The following PRKG1 variants were observed in gnomAD, a reference collection of about 807,000 sequenced individuals.
PRKG1 encodes cGMP-dependent protein kinase 1.
Under a neutral mutation model 88.1 loss-of-function variants are expected in PRKG1, and 35 were observed. The ratio of observed to expected loss-of-function variants is 0.40; its 90% CI spans 0.30 to 0.53. The LOEUF (loss-of-function observed/expected upper bound fraction) is 0.53, where lower values mean the gene tolerates loss of function less well. Ranked by LOEUF, PRKG1 falls within the 20% of genes least tolerant of loss-of-function variation. The pLI is 0.59. For synonymous variants in PRKG1, 303 were observed against 292.5 expected (o/e 1.04, Z -0.37); for missense variants, 540 against 839.8 (o/e 0.64, Z 4.41).
intron 2 of PRKG1, among the ~76,000 whole-genome samples, chr10:51,160,160 C>T (rs1846323818): frequency 6.6e-6 from 1 of 152,122 alleles, no homozygotes; most frequent in South Asian, 2.1e-4. Context: ...GAGCCTAGCC[C>T]TCAAAAGATT....
chr10:51,291,448 G>C (rs1287116387), intron 2 of PRKG1, among the ~76,000 whole-genome samples: 1 of 152,112 alleles, frequency 6.6e-6, no homozygotes, highest in Non-Finnish European at 1.5e-5. Flanking sequence ...CATAACCAGA[G>C]TCTGCTGCTT....
At chr10:51,424,814 T>C (rs537919410) in intron 2 of PRKG1, among the ~76,000 whole-genome samples, 1 of 152,276 alleles carries the variant, frequency 6.6e-6, no homozygotes, top group Admixed American at 6.5e-5. Flanking sequence ...ATCCTTCTGG[T>C]GAAGTCAAGA....
chr10:51,041,386 T>A (rs907252688), intron 1 of PRKG1, among the ~76,000 whole-genome samples: 2 of 152,238 alleles, frequency 1.3e-5, no homozygotes, highest in Non-Finnish European at 2.9e-5. Context: ...TTTTCTCAAG[T>A]TGGAGTCTGT....
chr10:51,184,469 A>AT (rs11385945), intron 2 of PRKG1, among the ~76,000 whole-genome samples: 8,084 of 152,282 alleles, frequency 0.053, 403 homozygotes, highest in African/African-American at 0.13. Context: ...GTTTCCAAAC[A>AT]TGCTAAAGGC....
chr10:52,161,476 G>A (rs1258559808), intron 8 of PRKG1, among the ~76,000 whole-genome samples: 10 of 151,916 alleles, frequency 6.6e-5, no homozygotes, highest in Admixed American at 3.9e-4. Flanking sequence ...TATGTTACTG[G>A]TAATTTAAAT....
At chr10:51,723,269 T>C (rs1169324052) in intron 3 of PRKG1, among the ~76,000 whole-genome samples, 1 of 152,132 alleles carries the variant, frequency 6.6e-6, no homozygotes. Context: ...GTGGCACATA[T>C]ACACCATGGA....
At chr10:51,925,946 A>G (rs1842564326) in intron 5 of PRKG1, among the ~76,000 whole-genome samples, 1 of 152,190 alleles carries the variant, frequency 6.6e-6, no homozygotes, top group Non-Finnish European at 1.5e-5. Flanking sequence ...TTTTTAAAAA[A>G]TATAAAATAT....
At chr10:51,186,954 T>TTATATATATATATATATA (rs3061211) in intron 2 of PRKG1, among the ~76,000 whole-genome samples, 10 of 131,260 alleles carry the variant, frequency 7.6e-5, no homozygotes, top group African/African-American at 2.1e-4. Flanking sequence ...AGGCCCTGTG[T>TTATATATATATATATATA]TATATATATA....
chr10:52,086,183 C>A (rs1190653091), intron 7 of PRKG1, among the ~76,000 whole-genome samples: 1 of 151,918 alleles, frequency 6.6e-6, no homozygotes, highest in Non-Finnish European at 1.5e-5. Flanking sequence ...AGAGATCATT[C>A]CCTCCCCATC....
chr10:52,250,914 T>C (rs922670035), intron 9 of PRKG1, among the ~76,000 whole-genome samples: 1 of 152,108 alleles, frequency 6.6e-6, no homozygotes. Flanking sequence ...GACACTGAGA[T>C]TGCTAGCTGA....
intron 1 of PRKG1, among the ~76,000 whole-genome samples, chr10:51,015,519 G>A (rs762975282): frequency 2.6e-5 from 4 of 152,286 alleles, no homozygotes; most frequent in Non-Finnish European, 5.9e-5. Flanking sequence ...ATCTACAACA[G>A]TTCAGGCACA....
intron 5 of PRKG1, among the ~76,000 whole-genome samples, chr10:52,029,164 G>T (rs774923562): frequency 6.6e-6 from 1 of 152,018 alleles, no homozygotes; most frequent in Non-Finnish European, 1.5e-5. Context: ...GCTATTCCTC[G>T]GTGAAATCAG....
At chr10:51,591,324 T>G (rs1027096759) in intron 3 of PRKG1, among the ~76,000 whole-genome samples, 3 of 152,250 alleles carry the variant, frequency 2.0e-5, no homozygotes, top group Non-Finnish European at 4.4e-5. Flanking sequence ...CATGGGATAC[T>G]TCTACATTAT....
intron 5 of PRKG1, among the ~76,000 whole-genome samples, chr10:52,001,344 T>G (rs188606416): frequency 6.9e-6 from 1 of 145,512 alleles, no homozygotes; most frequent in Non-Finnish European, 1.5e-5. Flanking sequence ...TGCTAAGAGA[T>G]ATTTCAAGTG....
At chr10:51,818,120 T>C (rs1345073118) in intron 4 of PRKG1, among the ~76,000 whole-genome samples, 1 of 152,180 alleles carries the variant, frequency 6.6e-6, no homozygotes, top group Non-Finnish European at 1.5e-5. Context: ...ATGGGACATA[T>C]AGAATTAACC....
At chr10:51,029,927 G>GATA (rs1843259424) in intron 1 of PRKG1, among the ~76,000 whole-genome samples, 2 of 151,988 alleles carry the variant, frequency 1.3e-5, no homozygotes, top group South Asian at 4.1e-4. Context: ...TTATGATTGC[G>GATA]ATAATAATAA....
chr10:51,488,394 G>T (rs1840606587), intron 3 of PRKG1, among the ~76,000 whole-genome samples: 1 of 152,082 alleles, frequency 6.6e-6, no homozygotes, highest in Non-Finnish European at 1.5e-5. Context: ...TACAACAGTA[G>T]AAAGACATTT....
rs2132471848 is a variant in PRKG1, at chr10:52,295,432, T to C, written c.*1532T>C. 6.6e-6 allele frequency: 1 copy of C among 152,224 alleles called. No homozygotes were observed. The highest frequency in any genetic ancestry group is 1.5e-5 in the Non-Finnish European group (1 of 67,948). The allele number at this position is 152,224 out of a possible 1,614,324, so 9.4% of individuals were successfully genotyped here. ...GAAAATGTCAAGCTGATTTACTTTA[T>C]TCACATGGAGAAAAGAATCCACAAA... On this transcript the variant is annotated 3_prime_UTR_variant, in exon 18 of 18. Coordinates refer to ENST00000373980, the MANE Select transcript of PRKG1 (RefSeq NM_006258.4).
chr10:52,252,678 A>T (rs185212819), intron 10 of PRKG1: 1 of 152,176 alleles, frequency 6.6e-6, no homozygotes, highest in Admixed American at 6.6e-5. Flanking sequence ...AGGTAGAAAG[A>T]TGTTATTTAC....
Sources: allele counts gnomAD v4.1 joint callset (sites outside exome capture counted in the v4.1 genomes callset), GRCh38; gene constraint gnomAD v4.1.1; transcripts MANE v1.5; gene names NCBI Gene and HGNC (gene_info 2026-07-23, HGNC 2026-07-21).